Variants in VIPR2 observed in about 807,000 individuals in gnomAD.
VIPR2 encodes the protein vasoactive intestinal peptide receptor 2.
VIPR2 carries 48 observed loss-of-function variants against 58.0 expected under a neutral mutation model. The ratio of observed to expected loss-of-function variants is 0.83; its 90% CI spans 0.66 to 1.05. The LOEUF (loss-of-function observed/expected upper bound fraction) is 1.05. Among genes scored for constraint, VIPR2 ranks in the 50% least tolerant of loss-of-function variants. The pLI is 0.00. For missense variants in VIPR2, 534 were observed against 558.0 expected, an observed-to-expected ratio of 0.96 and a Z score of 0.43; for synonymous variants, 243 against 235.2, an observed-to-expected ratio of 1.03 and a Z score of -0.30.
chr7:159,071,589 A>G (rs2129494568), intron 4 of VIPR2, among the ~76,000 whole-genome samples: 1 of 152,318 alleles, frequency 6.6e-6, no homozygotes, highest in African/African-American at 2.4e-5. Context: ...AGTTCAATTC[A>G]GCGGTAATGA....
At chr7:159,094,588 G>T (rs1365361145) in intron 4 of VIPR2, among the ~76,000 whole-genome samples, 1 of 152,224 alleles carries the variant, frequency 6.6e-6, no homozygotes, top group Non-Finnish European at 1.5e-5. Flanking sequence ...CCCCAAGTGA[G>T]CCTGCGGTGA....
intron 5 of VIPR2, among the ~76,000 whole-genome samples, chr7:159,057,221 A>G (rs1039093066): frequency 1.3e-5 from 2 of 152,272 alleles, no homozygotes; most frequent in Non-Finnish European, 2.9e-5. Context: ...TAGCAACTTA[A>G]AAATTTAAAC....
At chr7:159,056,966 G>T (rs1454356215) in intron 5 of VIPR2, among the ~76,000 whole-genome samples, 3 of 152,154 alleles carry the variant, frequency 2.0e-5, no homozygotes, top group African/African-American at 4.8e-5. Flanking sequence ...AAGTGCCACA[G>T]GCAGGTGACG....
intron 2 of VIPR2, among the ~76,000 whole-genome samples, chr7:159,117,876 A>G (rs1430110466): frequency 1.3e-5 from 2 of 152,236 alleles, no homozygotes; most frequent in East Asian, 3.9e-4. Context: ...AAAGCTGAGA[A>G]GCAAAGCCTC....
intron 4 of VIPR2, among the ~76,000 whole-genome samples, chr7:159,102,725 C>A (rs945388197): frequency 2.0e-5 from 3 of 152,148 alleles, no homozygotes; most frequent in African/African-American, 7.2e-5. Context: ...GAGGGGCAGG[C>A]GGAGCAGGGT....
intron 6 of VIPR2, among the ~76,000 whole-genome samples, chr7:159,039,325 A>AC (rs1854172302): frequency 1.3e-5 from 2 of 151,694 alleles, no homozygotes; most frequent in Non-Finnish European, 2.9e-5. Flanking sequence ...ACACACACAC[A>AC]AAATTAGCTG....
At chr7:159,141,500 G>A (rs999225995) in intron 2 of VIPR2, among the ~76,000 whole-genome samples, 14 of 152,196 alleles carry the variant, frequency 9.2e-5, no homozygotes, top group African/African-American at 3.1e-4. Flanking sequence ...CTTGAAATGG[G>A]GCCCAAACTG....
chr7:159,070,728 A>G (rs924912727), intron 4 of VIPR2, among the ~76,000 whole-genome samples: 1 of 152,238 alleles, frequency 6.6e-6, no homozygotes, highest in African/African-American at 2.4e-5. Context: ...TGTCTTCACT[A>G]GAAGAATAGA....
At chr7:159,130,507 C>T (rs774021536) in intron 2 of VIPR2, among the ~76,000 whole-genome samples, 2 of 147,104 alleles carry the variant, frequency 1.4e-5, no homozygotes, top group Non-Finnish European at 2.9e-5. Flanking sequence ...ACCGGCCAAC[C>T]ACTCCTGTAG....
rs56679801 is a variant in VIPR2, at chr7:159,104,324, C to T, written c.260-470G>A. Among the ~76,000 whole-genome samples the T allele has an allele frequency of 3.3e-5, 5 of 150,706 alleles. No individual in the cohort carries two copies. In the East Asian group the frequency reaches 9.9e-4, roughly 30 times the overall value. Reference sequence around the variant, plus strand: ...CTGCTCCAGTTCTGGGCAGCACCCTCCCTCCTCCCGGCCAGCACCCTCGCC... The same window carrying T: ...CTGCTCCAGTTCTGGGCAGCACCCTTCCTCCTCCCGGCCAGCACCCTCGCC... On this transcript the variant is annotated intron_variant, in intron 3 of 12. Transcript: ENST00000262178.
At chr7:159,085,812 T>C (rs1458460142) in intron 4 of VIPR2, among the ~76,000 whole-genome samples, 1 of 152,018 alleles carries the variant, frequency 6.6e-6, no homozygotes, top group Non-Finnish European at 1.5e-5. Context: ...GGCAGGACTA[T>C]GGAGCCAGGG....
intron 2 of VIPR2, among the ~76,000 whole-genome samples, chr7:159,112,873 G>A (rs1310947174): frequency 1.3e-5 from 2 of 151,948 alleles, no homozygotes; most frequent in Admixed American, 6.6e-5. Context: ...GGAGACTCAC[G>A]GGACCTACTT....
intron 2 of VIPR2, among the ~76,000 whole-genome samples, chr7:159,125,639 G>A (rs1796625371): frequency 6.6e-6 from 1 of 152,196 alleles, no homozygotes. Context: ...GCTTTCTGGA[G>A]CCTTCAAGGG....
At chr7:159,064,251 C>T (rs73523914) in intron 4 of VIPR2, among the ~76,000 whole-genome samples, 2 of 151,770 alleles carry the variant, frequency 1.3e-5, no homozygotes, top group Non-Finnish European at 1.5e-5. Context: ...ACGGGAGCCC[C>T]GGTCCCCTGC....
intron 4 of VIPR2, among the ~76,000 whole-genome samples, chr7:159,073,153 A>G (rs1856488860): frequency 6.6e-6 from 1 of 152,258 alleles, no homozygotes; most frequent in South Asian, 2.1e-4. Flanking sequence ...AAGCTAGCAT[A>G]AGTCTGATGT....
At chr7:159,144,412 G>A in intron 1 of VIPR2, 1 of 1,547,202 alleles carries the variant, frequency 6.5e-7, no homozygotes. Flanking sequence ...GGACGGCCCC[G>A]AACGAGCTCA....
chr7:159,082,759 T>C (rs79681963), intron 4 of VIPR2, among the ~76,000 whole-genome samples: 2,047 of 152,150 alleles, frequency 0.013, 27 homozygotes, highest in Admixed American at 0.029. Context: ...TGCAGACAGA[T>C]AGGCAGATAG....
In VIPR2 at chr7:159,093,138, G is replaced by A. The variant is rs992671587; in HGVS notation, c.357+10619C>T. Among the ~76,000 whole-genome samples, 1 of 152,180 alleles carries A rather than the reference G, an allele frequency of 6.6e-6. No individual in the cohort carries two copies. The highest frequency in any genetic ancestry group is 1.5e-5 in the Non-Finnish European group (1 of 68,038). On this transcript the variant is annotated intron_variant, in intron 4 of 12. Coordinates refer to ENST00000262178, the MANE Select transcript of VIPR2 (RefSeq NM_003382.5). This position sits in a 1 kb window ranked among gnomAD's most constrained non-coding sequence, Gnocchi z 6.7. ...TGAGAGATGTGGTCCTGCGGGGGCT[G>A]GTGGGGGCAGAAGACATTTCCTCAA...
rs1857937649 is a variant in VIPR2 at position 159,097,555 on chromosome 7, C to T, written c.357+6202G>A. On this transcript the variant is annotated intron_variant, in intron 4 of 12. Coordinates refer to ENST00000262178, the MANE Select transcript of VIPR2 (RefSeq NM_003382.5). The surrounding 1 kb of genome is among the most constrained non-coding windows in gnomAD (Gnocchi z 5.3). ...GGTGTTAGAGATTCTACTGCCTTGC[C>T]CCTGCCTGACCCTGACTCAAGGAGG... 6.6e-6 allele frequency among the ~76,000 whole-genome samples: 1 copy of T among 152,110 alleles called. No individual in the cohort carries two copies. Among genetic ancestry groups the T allele is most frequent in the African/African-American group, 2.4e-5 (1 of 41,418 alleles).
Sources: gnomAD v4.1 joint callset for allele counts (sites outside exome capture counted in the v4.1 genomes callset) on GRCh38, gnomAD v4.1.1 for gene constraint, Gnocchi (gnomAD v3.1) non-coding constraint, MANE v1.5 for transcripts, NCBI Gene and HGNC (gene_info 2026-07-23, HGNC 2026-07-21) for gene names.